The following SSH1 variants were observed in gnomAD, a reference collection of about 807,000 sequenced individuals.
SSH1 encodes protein phosphatase Slingshot homolog 1.
Under a neutral mutation model 79.7 loss-of-function variants are expected in SSH1, and 43 were observed. The observed-to-expected ratio is 0.54, with a 90% CI of 0.42 to 0.70. The LOEUF (loss-of-function observed/expected upper bound fraction) is 0.70. Ranked by LOEUF, SSH1 falls within the 30% of genes least tolerant of loss-of-function variation. The pLI, the probability that SSH1 is intolerant of heterozygous loss-of-function variation, is 0.00. For synonymous variants in SSH1, 599 were observed against 538.3 expected (o/e 1.11, Z -1.56); for missense variants, 1,206 against 1,358.8 (o/e 0.89, Z 1.77).
chr12:108,854,746 T>C lies in SSH1; in HGVS notation c.70-2068A>G, dbSNP rs375411268. Among the ~76,000 whole-genome samples, 264 of 152,282 alleles carry C rather than the reference T, an allele frequency of 1.7e-3. 3 individuals are homozygous for C. In the South Asian group the frequency reaches 0.027, roughly 16 times the overall value. On this transcript the variant is annotated intron_variant, in intron 1 of 14. Transcript: ENST00000326495. ...GGTCAGTTATTCCAGGGAAACTACA[T>C]CTGCCAAGGAACACATGAAAGAGGT...
intron 7 of SSH1, among the ~76,000 whole-genome samples, chr12:108,809,371 C>T (rs888812106): frequency 1.3e-5 from 2 of 150,774 alleles, no homozygotes; most frequent in Non-Finnish European, 1.5e-5. Context: ...GCAGGAGGAT[C>T]ACCTGAGCCT....
rs368752635 is a variant in SSH1 at position 108,842,608 on chromosome 12, G to A, written c.110+10030C>T. 9.2e-5 allele frequency among the ~76,000 whole-genome samples: 14 copies of A among 152,320 alleles called. No individual in the cohort carries two copies. In the East Asian group the frequency reaches 9.6e-4, roughly 10 times the overall value. Reference sequence around the variant, plus strand: ...TTTAAGTACAGCTCAGGGAGTTGACGGGACCTGCCCAAGCACATAGTGATG... The same window carrying A: ...TTTAAGTACAGCTCAGGGAGTTGACAGGACCTGCCCAAGCACATAGTGATG... On this transcript the variant is annotated intron_variant, in intron 2 of 14. Transcript: ENST00000326495.
chr12:108,792,718 G>A lies in SSH1; in HGVS notation c.1461C>T (p.Thr487=), dbSNP rs766848853. The change falls in exon 14 of 15, where the codon ACC becomes ACT. Residue 487 remains threonine, a synonymous_variant. Coordinates refer to ENST00000326495, the MANE Select transcript of SSH1 (RefSeq NM_018984.4). ...CCAAGAAGGGCAGCTGGCTTTCCGG[G>A]GTGCCATCTGGGGTCTCTGGCAAGA... ...GDFLPETPDG[T]PESQLPFLDD... is the part of the protein sequence containing the mutation. 6 of 1,613,654 alleles carry A rather than the reference G, an allele frequency of 3.7e-6. No individual in the cohort carries two copies. In the Admixed American group the frequency reaches 8.3e-5, roughly 22 times the overall value.
chr12:108,797,290 CTTT>C (rs769933866), intron 13 of SSH1, among the ~76,000 whole-genome samples: 11 of 145,106 alleles, frequency 7.6e-5, no homozygotes, highest in Non-Finnish European at 1.5e-4. Context: ...CCACGCTGGG[CTTT>C]TTTTTTTTGT....
At chr12:108,791,749 C>A (rs767454089) in intron 14 of SSH1, among the ~76,000 whole-genome samples, 1 of 152,106 alleles carries the variant, frequency 6.6e-6, no homozygotes, top group Non-Finnish European at 1.5e-5. Flanking sequence ...ACAGTGAGAA[C>A]TTGTCTATAG....
rs1434800643 is a variant in SSH1 at position 108,789,171 on chromosome 12, G to A, written c.1967C>T (p.Thr656Ile). The A allele has an allele frequency of 2.7e-5, 43 of 1,611,792 alleles. No homozygotes were observed. Among genetic ancestry groups the A allele is most frequent in the East Asian group, 4.5e-5 (2 of 44,848 alleles). The change falls in exon 15 of 15, where the codon ACA (threonine) becomes ATA (isoleucine). Residue 656 changes from threonine (T) to isoleucine (I), a missense_variant. Around this residue, in one of 5 missense-constraint regions of SSH1, gnomAD observed 709 missense variants for 730.6 expected, o/e 0.97. Coordinates refer to ENST00000326495, the MANE Select transcript of SSH1 (RefSeq NM_018984.4). The stretch of plus-strand genomic sequence containing the variant: ...GGAGGCCTCAGGAGCCCCGCTGGCT[G>A]TAGGGTACATGCAGTCGGCACAGGA... ...YKSCADCMYP[T>I]ASGAPEASRE... is the part of the protein sequence containing the mutation.
chr12:108,845,819 G>A (rs750107072), intron 2 of SSH1, among the ~76,000 whole-genome samples: 5 of 152,198 alleles, frequency 3.3e-5, no homozygotes, highest in South Asian at 2.1e-4. Context: ...TTGGATGCAC[G>A]GGGTGCATGA....
chr12:108,786,307 T>G lies in SSH1; in HGVS notation c.*1681A>C, dbSNP rs1012613983. The G allele has an allele frequency of 6.6e-6, 1 of 152,242 alleles. No homozygotes were observed. Among genetic ancestry groups the G allele is most frequent in the Admixed American group, 6.5e-5 (1 of 15,274 alleles). 9.4% of individuals were successfully genotyped at this position (152,242 alleles called of 1,614,324 possible). On this transcript the variant is annotated 3_prime_UTR_variant, in exon 15 of 15. Coordinates refer to ENST00000326495, the MANE Select transcript of SSH1 (RefSeq NM_018984.4). ...AACTGTGTTCACCTGCCTTCCCCCA[T>G]GTACGCAACCTACTCCATCCTGCAC... is the stretch of plus-strand genomic sequence containing the variant.
intron 2 of SSH1, among the ~76,000 whole-genome samples, chr12:108,847,699 C>T (rs370346209): frequency 3.3e-5 from 5 of 152,148 alleles, no homozygotes; most frequent in Admixed American, 6.5e-5. Flanking sequence ...TCCAGTGATC[C>T]GTCCCGCCTT....
At chr12:108,801,280 T>C (rs2036990400) in intron 11 of SSH1, among the ~76,000 whole-genome samples, 1 of 152,198 alleles carries the variant, frequency 6.6e-6, no homozygotes, top group African/African-American at 2.4e-5. Flanking sequence ...CCCAGTGTCT[T>C]CACTCTTAAA....
chr12:108,847,804 CACTAAGGGATTTGAGAGCAGTT>C (rs2038932362), intron 2 of SSH1, among the ~76,000 whole-genome samples: 1 of 152,162 alleles, frequency 6.6e-6, no homozygotes, highest in African/African-American at 2.4e-5. Flanking sequence ...ATGAGGCCGT[CACTAAGGGATTTGAGAGCAGTT>C]AGGGATACAA....
chr12:108,842,581 G>C (rs1247601461), intron 2 of SSH1, among the ~76,000 whole-genome samples: 1 of 152,212 alleles, frequency 6.6e-6, no homozygotes, highest in Non-Finnish European at 1.5e-5. Context: ...GACAATCCCT[G>C]CTTTAAGTAC....
At position 108,779,509 on chromosome 12, in the gene SSH1, G is replaced by A. The variant is rs2036127265; in HGVS notation, c.*8479C>T. 1 of 152,208 alleles carries A rather than the reference G, an allele frequency of 6.6e-6. No individual in the cohort carries two copies. The highest frequency in any genetic ancestry group is 1.9e-4 in the East Asian group (1 of 5,180). 9.4% of individuals were successfully genotyped at this position (152,208 alleles called of 1,614,324 possible). On this transcript the variant is annotated 3_prime_UTR_variant, in exon 15 of 15. Transcript: ENST00000326495. ...GATGATGAGGGAGCAGTTCCTATCTGGCTTCATCAATTTTTAGATGTACCT... is the reference window on the plus strand; with the variant it reads ...GATGATGAGGGAGCAGTTCCTATCTAGCTTCATCAATTTTTAGATGTACCT...
In SSH1 at chr12:108,857,541, GCCGCCA is replaced by G. The variant is rs1044090602; in HGVS notation, c.-51_-46del. 6 of 1,027,372 alleles carry G rather than the reference GCCGCCA, an allele frequency of 5.8e-6. 1 individual carries two copies. Among genetic ancestry groups the G allele is most frequent in the South Asian group, 2.9e-5 (1 of 34,126 alleles). 63.6% of individuals were successfully genotyped at this position (1,027,372 alleles called of 1,614,324 possible). ...GGCGCCACAGACGTCTCGAGCTAGAGCCGCCACCGCCACCGCCGCCCGGGCCGGGCC... is the reference window on the plus strand; with the variant it reads ...GGCGCCACAGACGTCTCGAGCTAGAGCCGCCACCGCCGCCCGGGCCGGGCC... On this transcript the variant is annotated 5_prime_UTR_variant, in exon 1 of 15. Coordinates refer to ENST00000326495, the MANE Select transcript of SSH1 (RefSeq NM_018984.4). This position sits in a 1 kb window ranked among gnomAD's most constrained non-coding sequence, Gnocchi z 4.7.
intron 7 of SSH1, among the ~76,000 whole-genome samples, chr12:108,808,518 C>A (rs11114059): frequency 6.6e-6 from 1 of 152,210 alleles, no homozygotes; most frequent in Non-Finnish European, 1.5e-5. Context: ...AGAACTGCTC[C>A]TGAAGCGTGG....
chr12:108,854,604 G>A (rs2039107435), intron 1 of SSH1, among the ~76,000 whole-genome samples: 1 of 152,208 alleles, frequency 6.6e-6, no homozygotes, highest in African/African-American at 2.4e-5. Flanking sequence ...TGCCCTAAGT[G>A]TCTGACTCAT....
chr12:108,854,304 C>T (rs867443631), intron 1 of SSH1, among the ~76,000 whole-genome samples: 1 of 152,080 alleles, frequency 6.6e-6, no homozygotes, highest in South Asian at 2.1e-4. Flanking sequence ...AACTCTGGTC[C>T]AATCCAAAAA....
chr12:108,802,473 A>G (rs776757257), intron 10 of SSH1, 105 bp from the exon 11 acceptor site: 3 of 1,005,974 alleles, frequency 3.0e-6, no homozygotes, highest in Non-Finnish European at 4.7e-6. Flanking sequence ...GTCTTATTTC[A>G]TGGCCCCATT....
intron 13 of SSH1, among the ~76,000 whole-genome samples, chr12:108,797,306 T>C (rs1301777918): frequency 6.6e-6 from 1 of 151,658 alleles, no homozygotes; most frequent in African/African-American, 2.4e-5. Flanking sequence ...TTTTTTGTAC[T>C]TCTAGTAGAG....
Sources: gnomAD v4.1 joint callset for allele counts (sites outside exome capture counted in the v4.1 genomes callset) on GRCh38, gnomAD v4.1.1 for gene constraint, gnomAD v4.1.1 regional missense constraint, Gnocchi (gnomAD v3.1) non-coding constraint, MANE v1.5 for transcripts, NCBI Gene and HGNC (gene_info 2026-07-23, HGNC 2026-07-21) for gene names.